Variants in JAK1 observed in about 807,000 individuals in gnomAD.
The protein encoded by JAK1 is tyrosine-protein kinase JAK1.
A neutral mutation model predicts 136.6 loss-of-function variants in JAK1; 16 were observed. The ratio of observed to expected loss-of-function variants is 0.12; its 90% CI spans 0.08 to 0.18. JAK1 has a LOEUF of 0.18. Among genes scored for constraint, JAK1 ranks in the 10% least tolerant of loss-of-function variants. The probability of loss-of-function intolerance (pLI) is 1.00; values close to 1 mark genes in which losing one functional copy is unlikely to be tolerated. For synonymous variants in JAK1, 492 were observed against 519.5 expected, an observed-to-expected ratio of 0.95 and a Z score of 0.72; for missense variants, 859 against 1,450.1, an observed-to-expected ratio of 0.59 and a Z score of 6.62.
Position 64,835,521 on chromosome 1 carries a change from A to G in JAK1, c.3259-15T>C. On this transcript the variant is annotated splice_polypyrimidine_tract_variant and intron_variant, in intron 23 of 24. Transcript: ENST00000342505. ...TTCAGGAACAACTATATAAAATAAAATCAAACAAAACGTTTAACTTTGCAA... is the reference window on the plus strand; with the variant it reads ...TTCAGGAACAACTATATAAAATAAAGTCAAACAAAACGTTTAACTTTGCAA... 6.9e-7 allele frequency: 1 copy of G among 1,455,998 alleles called. No homozygotes were observed. Among genetic ancestry groups the G allele is most frequent in the Non-Finnish European group, 9.5e-7 (1 of 1,053,342 alleles). 90.2% of individuals were successfully genotyped at this position (1,455,998 alleles called of 1,614,324 possible).
At chr1:65,055,458 A>C (rs1647488973) in intron 1 of JAK1, among the ~76,000 whole-genome samples, 1 of 152,212 alleles carries the variant, frequency 6.6e-6, no homozygotes, top group Non-Finnish European at 1.5e-5. Flanking sequence ...TGCTATAAAC[A>C]TGGGTATACA....
intron 1 of JAK1, among the ~76,000 whole-genome samples, chr1:64,919,017 CTTTT>C (rs368616734): frequency 6.6e-6 from 1 of 151,232 alleles, no homozygotes; most frequent in Non-Finnish European, 1.5e-5. Context: ...CTCCTTTTAC[CTTTT>C]TTTTTATTAT....
intron 1 of JAK1, among the ~76,000 whole-genome samples, chr1:64,945,781 T>G (rs1408776003): frequency 6.6e-6 from 1 of 151,008 alleles, no homozygotes; most frequent in African/African-American, 2.4e-5. Flanking sequence ...CAGGCTGGAG[T>G]GCAGTGGTGT....
At chr1:65,023,429 C>T (rs1216520061) in intron 2 of JAK1, among the ~76,000 whole-genome samples, 1 of 152,134 alleles carries the variant, frequency 6.6e-6, no homozygotes. Flanking sequence ...ATTAATGTAA[C>T]TACCATCTAA....
chr1:64,834,634 G>A lies in JAK1; in HGVS notation c.3393C>T (p.Cys1131=). The A allele has an allele frequency of 6.2e-7, 1 of 1,611,218 alleles. No individual in the cohort carries two copies. The highest frequency in any genetic ancestry group is 1.1e-5 in the South Asian group (1 of 90,892). The change falls in exon 25 of 25, where the codon TGC becomes TGT. Residue 1131 remains cysteine, a synonymous_variant. Transcript: ENST00000342505. ...PDEVYQLMRK[C]WEFQPSNRTS... Reference sequence around the variant, plus strand: ...TCCGATTGGATGGTTGGAATTCCCAGCATTTCCTCATAAGTTGATAAACCT... The same window carrying A: ...TCCGATTGGATGGTTGGAATTCCCAACATTTCCTCATAAGTTGATAAACCT...
rs1172132353 is a variant in JAK1 at position 64,845,574 on chromosome 1, A to T, written c.2054T>A (p.Val685Asp). The change falls in exon 15 of 25, where the codon GTC becomes GAC. Residue 685 changes from valine (V) to aspartate (D), a missense_variant. By Grantham distance (152) the Val-to-Asp change is radical. Coordinates refer to ENST00000342505, the MANE Select transcript of JAK1 (RefSeq NM_002227.4). Reference protein sequence around the residue: ...LDLFMHRKSDVLTTPWKFKVA... With the variant: ...LDLFMHRKSDDLTTPWKFKVA... ...TTTGAATTTCCATGGTGTGGTAAGG[A>T]CATCGCTTTTCCGGTGCATGAAGAG... 4 of 1,614,160 alleles carry T rather than the reference A, an allele frequency of 2.5e-6. No homozygotes were observed. The East Asian group carries it at 8.9e-5, about 36-fold the overall frequency.
intron 1 of JAK1, among the ~76,000 whole-genome samples, chr1:64,957,951 A>G (rs1420386740): frequency 6.6e-6 from 1 of 152,232 alleles, no homozygotes; most frequent in Non-Finnish European, 1.5e-5. Context: ...CTCAAAAAAA[A>G]AAAAAAGTGT....
At chr1:65,038,198 C>CTTTTTTTTTTTTTTT (rs113538392) in intron 2 of JAK1, among the ~76,000 whole-genome samples, 2 of 133,294 alleles carry the variant, frequency 1.5e-5, no homozygotes, top group African/African-American at 5.6e-5. Context: ...TTTTTCTTTT[C>CTTTTTTTTTTTTTTT]TTTTTTTTTT....
chr1:64,980,217 C>T (rs937138078), intron 2 of JAK1, among the ~76,000 whole-genome samples: 4 of 152,116 alleles, frequency 2.6e-5, no homozygotes, highest in Non-Finnish European at 1.5e-5. Flanking sequence ...ACTCTCAACA[C>T]GGTGCCTGGA....
At chr1:64,846,796 G>GA in intron 13 of JAK1, 60 bp from the exon 14 acceptor site, 1 of 1,361,428 alleles carries the variant, frequency 7.3e-7, no homozygotes, top group Non-Finnish European at 1.0e-6. Flanking sequence ...TGCTCCCCAG[G>GA]GGCTCTGTTG....
rs373323193 is a variant in JAK1, at chr1:64,846,747, G to A, written c.1900-11C>T. On this transcript the variant is annotated splice_polypyrimidine_tract_variant and intron_variant, in intron 13 of 24. Coordinates refer to ENST00000342505, the MANE Select transcript of JAK1 (RefSeq NM_002227.4). The stretch of plus-strand genomic sequence containing the variant: ...TGCCTCGAAGAAGGCCTGTGGGCGA[G>A]CAGGACATAGGAATGTCTCAGGCCA... 108 of 1,610,256 alleles carry A rather than the reference G, an allele frequency of 6.7e-5. No individual in the cohort carries two copies. The highest frequency in any genetic ancestry group is 8.4e-5 in the Non-Finnish European group (99 of 1,177,138).
At position 64,844,712 on chromosome 1, in the gene JAK1, CT is replaced by C. The variant is rs765478015; in HGVS notation, c.2251+41del. 6.2e-7 allele frequency: 1 copy of C among 1,613,096 alleles called. No homozygotes were observed. Among genetic ancestry groups the C allele is most frequent in the South Asian group, 1.1e-5 (1 of 91,038 alleles). On this transcript the variant is annotated intron_variant, in intron 16 of 24. Transcript: ENST00000342505. The surrounding 1 kb of genome is among the most constrained non-coding windows in gnomAD (Gnocchi z 5.7). ...AGCCCTTCTCTCTGCTGACTTGCCC[CT>C]GACTCGGGGTGGGGCCAGAGGGAAG...
intron 1 of JAK1, among the ~76,000 whole-genome samples, chr1:65,066,340 C>T (rs1256265369): frequency 6.6e-6 from 1 of 152,158 alleles, no homozygotes; most frequent in Non-Finnish European, 1.5e-5. Flanking sequence ...CACCCCTCTC[C>T]CCAATAATGT....
intron 2 of JAK1, among the ~76,000 whole-genome samples, chr1:65,026,112 A>T (rs908792509): frequency 2.6e-5 from 4 of 152,338 alleles, no homozygotes; most frequent in African/African-American, 9.6e-5. Context: ...ATCCTGGGTC[A>T]TAACTTTGTC....
chr1:64,906,580 A>T (rs2100235761), intron 1 of JAK1, among the ~76,000 whole-genome samples: 1 of 152,284 alleles, frequency 6.6e-6, no homozygotes, highest in South Asian at 2.1e-4. Context: ...TATGTCCCAT[A>T]TCCCACGATT....
At chr1:64,846,611 G>T in intron 14 of JAK1, 38 bp downstream of exon 14, 1 of 1,529,344 alleles carries the variant, frequency 6.5e-7, no homozygotes, top group Non-Finnish European at 9.0e-7. Context: ...AAGCTCCCCA[G>T]CCAGGCCACC....
At chr1:64,979,981 C>T (rs1646529642) in intron 2 of JAK1, 1 of 152,062 alleles carries the variant, frequency 6.6e-6, no homozygotes, top group Non-Finnish European at 1.5e-5. Context: ...ATTGTCTTCC[C>T]TCAATTTTAG....
intron 2 of JAK1, among the ~76,000 whole-genome samples, chr1:65,013,516 T>G (rs1646867852): frequency 6.6e-6 from 1 of 152,174 alleles, no homozygotes. Flanking sequence ...TGCTGACCAG[T>G]ACAATGAGGA....
intron 1 of JAK1, among the ~76,000 whole-genome samples, chr1:64,945,600 C>T (rs374568910): frequency 2.6e-5 from 4 of 151,832 alleles, no homozygotes; most frequent in East Asian, 1.9e-4. Context: ...AAAAAGAATA[C>T]GAATATATAC....
Sources: allele counts gnomAD v4.1 joint callset (sites outside exome capture counted in the v4.1 genomes callset), GRCh38; gene constraint gnomAD v4.1.1; non-coding constraint Gnocchi (gnomAD v3.1); transcripts MANE v1.5; gene names NCBI Gene and HGNC (gene_info 2026-07-23, HGNC 2026-07-21).